GRM1: variants seen among roughly 807,000 people sequenced by gnomAD.
GRM1 encodes glutamate metabotropic receptor 1, also known as metabotropic glutamate receptor 1.
Under a neutral mutation model 90.9 loss-of-function variants are expected in GRM1, and 33 were observed. That is an observed-to-expected ratio of 0.36 (90% confidence interval 0.28 to 0.49). GRM1 has a LOEUF of 0.49. Among genes scored for constraint, GRM1 ranks in the 20% least tolerant of loss-of-function variants. The probability of loss-of-function intolerance (pLI) is 0.99; values close to 1 mark genes in which losing one functional copy is unlikely to be tolerated. For missense variants in GRM1, 1,190 were observed against 1,534.3 expected (o/e 0.78, Z 3.75); for synonymous variants, 700 against 613.2 (o/e 1.14, Z -2.09).
At chr6:146,295,800 G>A (rs1227344290) in intron 2 of GRM1, among the ~76,000 whole-genome samples, 1 of 152,086 alleles carries the variant, frequency 6.6e-6, no homozygotes, top group Non-Finnish European at 1.5e-5. Flanking sequence ...CATGTCAAGG[G>A]AGTTTGTTGT....
At position 146,420,000 on chromosome 6, in the gene GRM1, C is replaced by A. The variant is rs140578044; in HGVS notation, c.2661-13872C>A. Among the ~76,000 whole-genome samples the A allele has an allele frequency of 5.3e-3, 808 of 152,286 alleles. 7 individuals carry two copies. The highest frequency in any genetic ancestry group is 0.019 in the African/African-American group (774 of 41,546). ...CAGGAAATCTTTTGGTCACAAAGGA[C>A]TGGGGTGAGGAAATGAAAGGCCAGA... is the stretch of plus-strand genomic sequence containing the variant. On this transcript the variant is annotated intron_variant, in intron 7 of 7. Coordinates refer to ENST00000282753, the MANE Select transcript of GRM1 (RefSeq NM_001278064.2).
intron 7 of GRM1, chr6:146,426,600 C>T (rs745788064): frequency 5.0e-6 from 8 of 1,608,726 alleles, no homozygotes; most frequent in African/African-American, 1.3e-5. Flanking sequence ...CAATGTCCGT[C>T]GGCACATGTG....
chr6:146,371,079 C>T (rs575961538), intron 5 of GRM1, among the ~76,000 whole-genome samples: 28 of 152,102 alleles, frequency 1.8e-4, no homozygotes, highest in African/African-American at 6.0e-4. Flanking sequence ...CATTCTTTCA[C>T]GTACATTGTT....
intron 1 of GRM1, among the ~76,000 whole-genome samples, chr6:146,065,960 A>G (rs563675645): frequency 2.6e-4 from 39 of 152,308 alleles, no homozygotes; most frequent in Admixed American, 4.6e-4. Flanking sequence ...CTCAAAGGAA[A>G]AAAAAAAACC....
chr6:146,227,825 G>A (rs1253764370), intron 2 of GRM1, among the ~76,000 whole-genome samples: 1 of 152,116 alleles, frequency 6.6e-6, no homozygotes, highest in African/African-American at 2.4e-5. Context: ...CCAAACTGAA[G>A]TCATTGTGTA....
At chr6:146,144,817 G>T (rs994355351) in intron 1 of GRM1, among the ~76,000 whole-genome samples, 1 of 152,186 alleles carries the variant, frequency 6.6e-6, no homozygotes, top group African/African-American at 2.4e-5. Context: ...GGGAAAATCT[G>T]ATACTCCTTA....
chr6:146,417,795 G>T (rs549312628), intron 7 of GRM1, among the ~76,000 whole-genome samples: 2 of 152,064 alleles, frequency 1.3e-5, no homozygotes, highest in Admixed American at 6.6e-5. Context: ...ATCCTGAGGT[G>T]AAAATTTTAA....
At position 146,347,209 on chromosome 6, in the gene GRM1, A is replaced by G. The variant is rs1785216827; in HGVS notation, c.1187-5041A>G. 2.6e-5 allele frequency among the ~76,000 whole-genome samples: 4 copies of G among 152,316 alleles called. No homozygotes were observed. The South Asian group carries it at 6.2e-4, about 24-fold the overall frequency. On this transcript the variant is annotated intron_variant, in intron 3 of 7. Coordinates refer to ENST00000282753, the MANE Select transcript of GRM1 (RefSeq NM_001278064.2). ...ATTAAGCTAATAATTTTTGCTAACA[A>G]ATGTCCTGTTGTCTGTAATGGGACT... is the stretch of plus-strand genomic sequence containing the variant.
intron 1 of GRM1, among the ~76,000 whole-genome samples, chr6:146,048,077 A>G (rs1791398214): frequency 6.6e-6 from 1 of 152,050 alleles, no homozygotes; most frequent in Non-Finnish European, 1.5e-5. Context: ...AACAAGGAAC[A>G]TAATTCACAT....
intron 1 of GRM1, among the ~76,000 whole-genome samples, chr6:146,083,412 T>A (rs1208701200): frequency 6.6e-6 from 1 of 152,226 alleles, no homozygotes; most frequent in Non-Finnish European, 1.5e-5. Flanking sequence ...GTTCCATCAA[T>A]GCCTAGTTTA....
intron 5 of GRM1, among the ~76,000 whole-genome samples, chr6:146,362,651 C>T (rs919982032): frequency 1.5e-4 from 17 of 114,746 alleles, no homozygotes; most frequent in Non-Finnish European, 2.1e-4. Flanking sequence ...GGTGACAGAG[C>T]GAGACTCCAT....
intron 3 of GRM1, among the ~76,000 whole-genome samples, chr6:146,339,618 G>A (rs921405195): frequency 4.6e-5 from 7 of 152,154 alleles, no homozygotes; most frequent in African/African-American, 1.4e-4. Flanking sequence ...CTATTGCTGA[G>A]TTATCAGTCA....
At chr6:146,309,823 T>TG (rs796371786) in intron 3 of GRM1, among the ~76,000 whole-genome samples, 12 of 152,220 alleles carry the variant, frequency 7.9e-5, no homozygotes, top group African/African-American at 2.9e-4. Context: ...TTGATAAATT[T>TG]GGGGTCCCTT....
intron 2 of GRM1, among the ~76,000 whole-genome samples, chr6:146,273,697 A>ATT (rs1782250838): frequency 1.3e-5 from 2 of 152,332 alleles, no homozygotes; most frequent in Non-Finnish European, 1.5e-5. Flanking sequence ...TTTCTTTTAT[A>ATT]AACCAGAGGG....
At chr6:146,111,762 G>A (rs1222820370) in intron 1 of GRM1, among the ~76,000 whole-genome samples, 1 of 152,152 alleles carries the variant, frequency 6.6e-6, no homozygotes, top group Non-Finnish European at 1.5e-5. Context: ...TAGGAGTTTG[G>A]GTTTTATTCT....
At chr6:146,289,997 T>C (rs1235524649) in intron 2 of GRM1, among the ~76,000 whole-genome samples, 1 of 152,030 alleles carries the variant, frequency 6.6e-6, no homozygotes, top group Non-Finnish European at 1.5e-5. Flanking sequence ...AGGAAGGAAA[T>C]GAAAGAGATG....
intron 1 of GRM1, among the ~76,000 whole-genome samples, chr6:146,111,745 C>T (rs1472935414): frequency 2.0e-5 from 3 of 152,080 alleles, no homozygotes; most frequent in African/African-American, 7.2e-5. Context: ...GGATTTTAAG[C>T]AGTAATTAGG....
intron 2 of GRM1, among the ~76,000 whole-genome samples, chr6:146,192,210 C>T (rs1375300234): frequency 2.6e-5 from 4 of 152,234 alleles, no homozygotes; most frequent in South Asian, 4.2e-4. Context: ...GTTATGGTAA[C>T]ATTTTGAAAT....
chr6:146,194,618 C>T (rs1779053953), intron 2 of GRM1, among the ~76,000 whole-genome samples: 1 of 152,200 alleles, frequency 6.6e-6, no homozygotes, highest in African/African-American at 2.4e-5. Context: ...CACTAACATT[C>T]CTTAATCCCC....
Sources: gnomAD v4.1 joint callset for allele counts (sites outside exome capture counted in the v4.1 genomes callset) on GRCh38, gnomAD v4.1.1 for gene constraint, MANE v1.5 for transcripts, NCBI Gene and HGNC (gene_info 2026-07-23, HGNC 2026-07-21) for gene names.